Variants in SUB1 observed in about 807,000 individuals in gnomAD.
SUB1 encodes the protein SUB1 regulator of transcription, also known as activated RNA polymerase II transcriptional coactivator p15.
In SUB1, 1 loss-of-function variant was observed where a neutral mutation model predicts 16.9. The observed-to-expected ratio is 0.06, with a 90% confidence interval of 0.02 to 0.28. The LOEUF is 0.28. SUB1 is among the 10% of genes least tolerant of loss of function. The pLI, the probability that SUB1 is intolerant of heterozygous loss-of-function variation, is 1.00. For synonymous variants in SUB1, 51 were observed against 46.9 expected (o/e 1.09, Z -0.36); for missense variants, 84 against 145.2 (o/e 0.58, Z 2.16).
chr5:32,592,548 A>G (rs1395179607), intron 3 of SUB1, among the ~76,000 whole-genome samples: 1 of 152,192 alleles, frequency 6.6e-6, no homozygotes, highest in African/African-American at 2.4e-5. Context: ...TGCAGGTGAG[A>G]TTGCTTAGGT....
Position 32,602,503 on chromosome 5 carries a change from T to TA in SUB1, c.*1420dup, listed in dbSNP as rs1739140255. The TA allele has an allele frequency of 5.1e-6, 1 of 194,556 alleles. No homozygotes were observed. Among genetic ancestry groups the TA allele is most frequent in the Admixed American group, 5.6e-5 (1 of 17,798 alleles). The allele number at this position is 194,556 out of a possible 1,614,324, so 12.1% of individuals were successfully genotyped here. A position where few individuals can be genotyped will look rare whatever the true frequency, so the allele number is the denominator to read the frequency against. ...TACCTGCTATTAAGGTCTGCCATAT[T>TA]AGAGTTTTGCACTATTTTGCTACCA... On this transcript the variant is annotated 3_prime_UTR_variant, in exon 5 of 5. Coordinates refer to ENST00000265073, the MANE Select transcript of SUB1 (RefSeq NM_006713.4).
chr5:32,602,977 A>C lies in SUB1; in HGVS notation c.*1893A>C, dbSNP rs1378177491. 1 of 152,172 alleles carries C rather than the reference A, an allele frequency of 6.6e-6. No individual in the cohort carries two copies. Among genetic ancestry groups the C allele is most frequent in the Non-Finnish European group, 1.5e-5 (1 of 67,996 alleles). 9.4% of individuals were successfully genotyped at this position (152,172 alleles called of 1,614,324 possible). On this transcript the variant is annotated 3_prime_UTR_variant, in exon 5 of 5. Coordinates refer to ENST00000265073, the MANE Select transcript of SUB1 (RefSeq NM_006713.4). ...AGTACAGAACTTTGATTTTTGGTGTAGATGCAGAGGGAATGATGGGTAAAT... is the reference window on the plus strand; with the variant it reads ...AGTACAGAACTTTGATTTTTGGTGTCGATGCAGAGGGAATGATGGGTAAAT...
At chr5:32,600,537 G>T (rs545808621) in intron 4 of SUB1, among the ~76,000 whole-genome samples, 7 of 152,046 alleles carry the variant, frequency 4.6e-5, no homozygotes, top group African/African-American at 1.2e-4. Context: ...TCAGTAAATT[G>T]TGATGATATG....
rs1212540863 is a variant in SUB1 at position 32,602,859 on chromosome 5, C to T, written c.*1775C>T. Reference sequence around the variant, plus strand: ...ACATCATGCTTGATTGGTAACTTCCCTCCTTTTTTGGGGAACATGTTTGTG... The same window carrying T: ...ACATCATGCTTGATTGGTAACTTCCTTCCTTTTTTGGGGAACATGTTTGTG... On this transcript the variant is annotated 3_prime_UTR_variant, in exon 5 of 5. Coordinates refer to ENST00000265073, the MANE Select transcript of SUB1 (RefSeq NM_006713.4). 1 of 152,072 alleles carries T rather than the reference C, an allele frequency of 6.6e-6. No individual in the cohort carries two copies. Among genetic ancestry groups the T allele is most frequent in the Non-Finnish European group, 1.5e-5 (1 of 68,010 alleles). The allele number at this position is 152,072 out of a possible 1,614,324, so 9.4% of individuals were successfully genotyped here.
At chr5:32,596,106 G>A (rs543882083) in intron 3 of SUB1, 1 of 152,266 alleles carries the variant, frequency 6.6e-6, no homozygotes, top group African/African-American at 2.4e-5. Context: ...AATGAGTGGA[G>A]GTTAACAGAG....
chr5:32,596,057 T>C (rs1423626355), intron 3 of SUB1: 1 of 152,216 alleles, frequency 6.6e-6, no homozygotes, highest in Non-Finnish European at 1.5e-5. Context: ...TTTTTTAGAC[T>C]TCAGGGAAAC....
intron 2 of SUB1, among the ~76,000 whole-genome samples, chr5:32,589,073 AT>A (rs35680220): frequency 0.13 from 20,012 of 151,268 alleles, 3,348 homozygotes; most frequent in African/African-American, 0.39. Context: ...AATTTACCAG[AT>A]TTTTTTTTGT....
intron 3 of SUB1, chr5:32,598,237 A>G (rs953157581): frequency 1.6e-4 from 24 of 152,146 alleles, no homozygotes; most frequent in African/African-American, 5.3e-4. Context: ...TTGTGATGTC[A>G]TGCCTTCTCT....
rs537608679 is a variant in SUB1 at position 32,604,029 on chromosome 5, A to G, written c.*2945A>G. On this transcript the variant is annotated 3_prime_UTR_variant, in exon 5 of 5. Transcript: ENST00000265073. Reference sequence around the variant, plus strand: ...ATCTTCCATGGAGATGTCTGAATATAATACTCCATCTGTGAATATTTTAAA... The same window carrying G: ...ATCTTCCATGGAGATGTCTGAATATGATACTCCATCTGTGAATATTTTAAA... 7.2e-5 allele frequency: 11 copies of G among 152,278 alleles called. No homozygotes were observed. In the East Asian group the frequency reaches 2.1e-3, roughly 29 times the overall value. 9.4% of individuals were successfully genotyped at this position (152,278 alleles called of 1,614,324 possible). A position where few individuals can be genotyped will look rare whatever the true frequency, so the allele number is the denominator to read the frequency against.
chr5:32,587,184 C>T (rs1363539771), intron 1 of SUB1, among the ~76,000 whole-genome samples: 1 of 152,108 alleles, frequency 6.6e-6, no homozygotes, highest in Non-Finnish European at 1.5e-5. Context: ...GGTCTGCTTG[C>T]ATAAATTCAA....
At chr5:32,593,819 G>C (rs1738890587) in intron 3 of SUB1, among the ~76,000 whole-genome samples, 1 of 151,998 alleles carries the variant, frequency 6.6e-6, no homozygotes, top group African/African-American at 2.4e-5. Context: ...TCAGTCTCCT[G>C]AGTAGCTGGG....
chr5:32,591,467 T>C (rs961946339), intron 2 of SUB1, 96 bp from the exon 3 acceptor site: 150 of 1,426,134 alleles, frequency 1.1e-4, no homozygotes, highest in Non-Finnish European at 7.6e-5. Context: ...GGATGTAGTC[T>C]TTTGATTGTT....
chr5:32,586,894 A>G (rs1245679913), intron 1 of SUB1, among the ~76,000 whole-genome samples: 1 of 152,194 alleles, frequency 6.6e-6, no homozygotes, highest in Non-Finnish European at 1.5e-5. Flanking sequence ...AATGGCTAGG[A>G]TTGGGGTGGC....
chr5:32,599,153 G>A, intron 4 of SUB1, 84 bp downstream of exon 4: 1 of 924,642 alleles, frequency 1.1e-6, no homozygotes, highest in Non-Finnish European at 1.7e-6. Context: ...ATGTTGGCAG[G>A]ACACACGGGG....
intron 1 of SUB1, among the ~76,000 whole-genome samples, chr5:32,587,324 C>T (rs1373863948): frequency 2.0e-5 from 3 of 152,284 alleles, no homozygotes; most frequent in East Asian, 3.9e-4. Flanking sequence ...GAGGTATCCA[C>T]GTATCTTGGA....
intron 1 of SUB1, among the ~76,000 whole-genome samples, chr5:32,587,139 G>A (rs1561031579): frequency 6.6e-6 from 1 of 152,126 alleles, no homozygotes; most frequent in African/African-American, 2.4e-5. Context: ...GCATGTGGGA[G>A]TTATTTATGT....
At chr5:32,598,052 C>T (rs1342454333) in intron 3 of SUB1, 2 of 83,614 alleles carry the variant, frequency 2.4e-5, no homozygotes, top group Non-Finnish European at 5.3e-5. Flanking sequence ...TCAAGCAATT[C>T]AACTTTTTTA....
At chr5:32,596,196 TC>T (rs1738959095) in intron 3 of SUB1, 1 of 152,248 alleles carries the variant, frequency 6.6e-6, no homozygotes, top group African/African-American at 2.4e-5. Flanking sequence ...CTGTGACAGA[TC>T]TTCTCTCTCT....
At chr5:32,586,657 G>A (rs1230225527) in intron 1 of SUB1, among the ~76,000 whole-genome samples, 1 of 152,150 alleles carries the variant, frequency 6.6e-6, no homozygotes, top group Admixed American at 6.5e-5. Context: ...ATGATCGACA[G>A]TTTCAAAGTG....
Sources: allele counts gnomAD v4.1 joint callset (sites outside exome capture counted in the v4.1 genomes callset), GRCh38; gene constraint gnomAD v4.1.1; transcripts MANE v1.5; gene names NCBI Gene and HGNC (gene_info 2026-07-23, HGNC 2026-07-21).